ADGRB1: variants seen among roughly 807,000 people sequenced by gnomAD.
ADGRB1 encodes adhesion G protein-coupled receptor B1, also known as brain-specific angiogenesis inhibitor 1.
Under a neutral mutation model 175.7 loss-of-function variants are expected in ADGRB1, and 36 were observed. The observed-to-expected ratio is 0.20, with a 90% CI of 0.16 to 0.27. The LOEUF is 0.27. ADGRB1 is among the 10% of genes least tolerant of loss of function. ADGRB1 has a pLI of 1.00. For missense variants in ADGRB1, 1,731 were observed against 2,255.3 expected, an observed-to-expected ratio of 0.77 and a Z score of 4.71; for synonymous variants, 1,054 against 979.4, an observed-to-expected ratio of 1.08 and a Z score of -1.42.
chr8:142,534,269 A>G (rs1844802767), intron 25 of ADGRB1, among the ~76,000 whole-genome samples: 1 of 152,222 alleles, frequency 6.6e-6, no homozygotes, highest in African/African-American at 2.4e-5. Flanking sequence ...TGCCACAGGA[A>G]GGTCAGGCGT....
intron 1 of ADGRB1, among the ~76,000 whole-genome samples, chr8:142,452,972 G>T (rs1195389137): frequency 1.4e-5 from 2 of 147,664 alleles, no homozygotes; most frequent in African/African-American, 4.9e-5. Context: ...TCTCCTCCGC[G>T]CCTGGCCCGC....
At chr8:142,530,280 G>C (rs1844547506) in intron 24 of ADGRB1, among the ~76,000 whole-genome samples, 1 of 152,110 alleles carries the variant, frequency 6.6e-6, no homozygotes. Context: ...GGCAGCCAGG[G>C]CCAAGGGAAC....
chr8:142,523,836 C>T (rs573826481), intron 22 of ADGRB1, among the ~76,000 whole-genome samples: 2 of 152,104 alleles, frequency 1.3e-5, no homozygotes, highest in South Asian at 2.1e-4. Flanking sequence ...GCTGAGGCCA[C>T]GGGGCCTGAG....
chr8:142,472,242 G>A (rs975389104), intron 2 of ADGRB1, among the ~76,000 whole-genome samples: 3 of 152,192 alleles, frequency 2.0e-5, no homozygotes, highest in Non-Finnish European at 4.4e-5. Context: ...CCTCCAGTCT[G>A]GGGCGCCAGG....
chr8:142,464,624 C>T lies in ADGRB1; in HGVS notation c.426C>T (p.Phe142=), dbSNP rs1840157002. The T allele has an allele frequency of 2.6e-6, 4 of 1,522,620 alleles. No individual in the cohort carries two copies. The highest frequency in any genetic ancestry group is 3.5e-6 in the Non-Finnish European group (4 of 1,139,698). 94.3% of individuals were successfully genotyped at this position (1,522,620 alleles called of 1,614,324 possible). A position where few individuals can be genotyped will look rare whatever the true frequency, so the allele number is the denominator to read the frequency against. Residue 142 remains phenylalanine (F), a synonymous_variant, in exon 2 of 31, where the codon TTC becomes TTT. Coordinates refer to ENST00000517894, the MANE Select transcript of ADGRB1 (RefSeq NM_001702.3). ...CCTTCCTGCAGGCCAGCAAGCAGTT[C>T]CTGCAGATGCGGCGCCAGCAGCCGC... The part of the protein sequence containing the change: ...PLAFLQASKQ[F]LQMRRQQPPQ...
At chr8:142,489,618 C>T (rs1345519526) in intron 16 of ADGRB1, among the ~76,000 whole-genome samples, 180 bp downstream of exon 16, 4 of 152,116 alleles carry the variant, frequency 2.6e-5, no homozygotes, top group Non-Finnish European at 4.4e-5. Flanking sequence ...GTGACTTGCC[C>T]GGGGTCACAC....
At position 142,525,425 on chromosome 8, in the gene ADGRB1, C is replaced by T. The variant is rs377565127; in HGVS notation, c.3313-1117C>T. On this transcript the variant is annotated intron_variant, in intron 23 of 30. Transcript: ENST00000517894. ...GGCTGACCCTGGCGGCTGTGGGACC[C>T]GAGCCCCAGCAGCCCCTCCTGTCCT... Among the ~76,000 whole-genome samples the T allele has an allele frequency of 2.3e-4, 35 of 152,114 alleles. 2 individuals carry two copies. Among genetic ancestry groups the T allele is most frequent in the Admixed American group, 1.6e-3 (25 of 15,296 alleles).
intron 11 of ADGRB1, 32 bp downstream of exon 11, chr8:142,481,743 G>A (rs768151996): frequency 1.3e-6 from 2 of 1,488,498 alleles, no homozygotes; most frequent in Non-Finnish European, 1.8e-6. Context: ...TTGGAAGAGG[G>A]TGTCGGGAAG....
chr8:142,476,258 C>T (rs967699366), intron 3 of ADGRB1, among the ~76,000 whole-genome samples: 1 of 152,136 alleles, frequency 6.6e-6, no homozygotes, highest in East Asian at 1.9e-4. Flanking sequence ...GGGAGGGCCC[C>T]GGGGCATCGG....
intron 18 of ADGRB1, among the ~76,000 whole-genome samples, chr8:142,516,683 TGTGC>T (rs1286663964): frequency 6.6e-5 from 9 of 136,168 alleles, no homozygotes; most frequent in South Asian, 2.4e-4. Context: ...TGCATGCCTG[TGTGC>T]GGGCCCCAGG....
intron 24 of ADGRB1, among the ~76,000 whole-genome samples, chr8:142,526,968 C>A (rs191943683): frequency 2.6e-4 from 40 of 152,292 alleles, no homozygotes; most frequent in Non-Finnish European, 4.9e-4. Flanking sequence ...TCCCTGGCCC[C>A]CCACTCCCCT....
chr8:142,464,574 C>T lies in ADGRB1; in HGVS notation c.376C>T (p.Leu126Phe), dbSNP rs778079465. The T allele has an allele frequency of 5.2e-6, 8 of 1,540,682 alleles. No homozygotes were observed. Among genetic ancestry groups the T allele is most frequent in the South Asian group, 2.4e-5 (2 of 83,568 alleles). ...GGAGAGCTTCGACGAGGTGCTGCGGCTCTGCGACCCCTCCGCACCCCTGGC... is the reference window on the plus strand; with the variant it reads ...GGAGAGCTTCGACGAGGTGCTGCGGTTCTGCGACCCCTCCGCACCCCTGGC... ...GVESFDEVLR[L>F]CDPSAPLAFL... Residue 126 changes from leucine to phenylalanine, a missense_variant, in exon 2 of 31, where the codon CTC (leucine) becomes TTC (phenylalanine). Leu to Phe is a conservative substitution (Grantham distance 22, BLOSUM62 0). Around this residue, in one of 8 missense-constraint regions of ADGRB1, gnomAD observed 383 missense variants for 383.1 expected, o/e 1.00. Coordinates refer to ENST00000517894, the MANE Select transcript of ADGRB1 (RefSeq NM_001702.3).
At chr8:142,469,761 A>C (rs1283097534) in intron 2 of ADGRB1, among the ~76,000 whole-genome samples, 1 of 149,662 alleles carries the variant, frequency 6.7e-6, no homozygotes, top group African/African-American at 2.5e-5. Flanking sequence ...GCCTGTGTGA[A>C]TGTATGTGTG....
At chr8:142,539,315 C>A in intron 26 of ADGRB1, 59 bp from the exon 27 acceptor site, 1 of 1,536,394 alleles carries the variant, frequency 6.5e-7, no homozygotes, top group Non-Finnish European at 8.8e-7. Flanking sequence ...TCTGTGCACG[C>A]GTGCACACAC....
intron 1 of ADGRB1, among the ~76,000 whole-genome samples, chr8:142,457,232 T>C (rs888192658): frequency 5.9e-5 from 9 of 152,276 alleles, no homozygotes; most frequent in African/African-American, 2.2e-4. Context: ...TAGGAGCCGG[T>C]CGGTCCCTCT....
Position 142,543,330 on chromosome 8 carries a change from A to C in ADGRB1, c.4414-73A>C. On this transcript the variant is annotated intron_variant, in intron 28 of 30. Coordinates refer to ENST00000517894, the MANE Select transcript of ADGRB1 (RefSeq NM_001702.3). The surrounding 1 kb of genome is among the most constrained non-coding windows in gnomAD (Gnocchi z 4.4). Reference sequence around the variant, plus strand: ...GGGCGAGTGAGTCCCTGATGCCCTCAGTCTGAGGCAGGGAGAGGCGTGGAC... The same window carrying C: ...GGGCGAGTGAGTCCCTGATGCCCTCCGTCTGAGGCAGGGAGAGGCGTGGAC... 1 of 1,586,772 alleles carries C rather than the reference A, an allele frequency of 6.3e-7. No individual in the cohort carries two copies. The highest frequency in any genetic ancestry group is 8.6e-7 in the Non-Finnish European group (1 of 1,161,312).
At position 142,533,542 on chromosome 8, in the gene ADGRB1, G is replaced by A. The variant is rs576667155; in HGVS notation, c.3570+76G>A. ...GCCGAGTGGCCTCCTCCTTCCCCGA[G>A]GACCTCGGCAGGGAGATTGTGGGTA... On this transcript the variant is annotated intron_variant, in intron 25 of 30. Coordinates refer to ENST00000517894, the MANE Select transcript of ADGRB1 (RefSeq NM_001702.3). The A allele has an allele frequency of 1.9e-5, 28 of 1,468,672 alleles. No individual in the cohort carries two copies. In the African/African-American group the frequency reaches 3.6e-4, roughly 19 times the overall value. The allele number at this position is 1,468,672 out of a possible 1,614,324, so 91.0% of individuals were successfully genotyped here.
At chr8:142,541,870 C>T in intron 27 of ADGRB1, 71 bp from the exon 28 acceptor site, 2 of 1,434,458 alleles carry the variant, frequency 1.4e-6, no homozygotes. Context: ...GGCCCCTCTC[C>T]TGCTGGGGAC....
intron 13 of ADGRB1, among the ~76,000 whole-genome samples, chr8:142,486,523 A>G (rs754477916): frequency 1.1e-4 from 16 of 152,190 alleles, no homozygotes; most frequent in Non-Finnish European, 1.6e-4. Flanking sequence ...CCTAAAACAG[A>G]CACAGTCCGA....
Sources: allele counts gnomAD v4.1 joint callset (sites outside exome capture counted in the v4.1 genomes callset), GRCh38; gene constraint gnomAD v4.1.1; regional missense constraint gnomAD v4.1.1; non-coding constraint Gnocchi (gnomAD v3.1); transcripts MANE v1.5; gene names NCBI Gene and HGNC (gene_info 2026-07-23, HGNC 2026-07-21).